KIF17: variants seen among roughly 807,000 people sequenced by gnomAD.
KIF17 encodes the protein kinesin family member 17.
Under a neutral mutation model 96.8 loss-of-function variants are expected in KIF17, and 80 were observed. That is an observed-to-expected ratio of 0.83 (90% CI 0.69 to 1.00). The LOEUF is 1.00. KIF17 is among the 50% of genes least tolerant of loss of function. KIF17 has a pLI of 0.00. For missense variants in KIF17, 1,280 were observed against 1,372.9 expected, an observed-to-expected ratio of 0.93 and a Z score of 1.07; for synonymous variants, 567 against 587.5, an observed-to-expected ratio of 0.97 and a Z score of 0.51.
At chr1:20,710,971 T>A (rs2054425117) in intron 3 of KIF17, among the ~76,000 whole-genome samples, 1 of 151,882 alleles carries the variant, frequency 6.6e-6, no homozygotes, top group Non-Finnish European at 1.5e-5. Context: ...AAGCTTGAGA[T>A]GACAGAGGGC....
intron 5 of KIF17, among the ~76,000 whole-genome samples, chr1:20,703,525 T>C (rs1392911816): frequency 6.7e-6 from 1 of 149,574 alleles, no homozygotes; most frequent in African/African-American, 2.5e-5. Flanking sequence ...GATGGATGGA[T>C]GGATAGATGT....
In KIF17 at chr1:20,700,560, G is replaced by A. The variant is rs921778631; in HGVS notation, c.1124-2072C>T. Among the ~76,000 whole-genome samples the A allele has an allele frequency of 6.6e-6, 1 of 152,214 alleles. No homozygotes were observed. Among genetic ancestry groups the A allele is most frequent in the African/African-American group, 2.4e-5 (1 of 41,448 alleles). On this transcript the variant is annotated intron_variant, in intron 5 of 14. Coordinates refer to ENST00000400463, the MANE Select transcript of KIF17 (RefSeq NM_001122819.3). The surrounding 1 kb of genome is among the most constrained non-coding windows in gnomAD (Gnocchi z 4.6). ...GCCCATCGAGTTGACAGTGGGATAT[G>A]TTGGGTTTGAAATGCTTATTACACA...
rs150479537 is a variant in KIF17 at position 20,664,739 on chromosome 1, G to A, written c.2932C>T (p.Leu978Phe). 6.2e-7 allele frequency: 1 copy of A among 1,612,180 alleles called. No individual in the cohort carries two copies. Among genetic ancestry groups the A allele is most frequent in the African/African-American group, 1.3e-5 (1 of 74,986 alleles). ...SLTHHNSPPG[L>F]SCPLSNNSAI... ...GAGTTGTTGCTGAGTGGGCAGCTGAGGCCTGGTGGCGAGTTGTGATGTGCT... is the reference window on the plus strand; with the variant it reads ...GAGTTGTTGCTGAGTGGGCAGCTGAAGCCTGGTGGCGAGTTGTGATGTGCT... Residue 978 changes from leucine (L) to phenylalanine (F), a missense_variant, in exon 15 of 15, where the codon CTC (leucine) becomes TTC (phenylalanine). Coordinates refer to ENST00000400463, the MANE Select transcript of KIF17 (RefSeq NM_001122819.3).
In KIF17 at chr1:20,690,498, T is replaced by C. The variant is rs533665534; in HGVS notation, c.1234-163A>G. ...TGATAATTACTTGCCGGTGAAGACCTTTCCAAACTGTTCTCAATGCTTTTT... is the reference window on the plus strand; with the variant it reads ...TGATAATTACTTGCCGGTGAAGACCCTTCCAAACTGTTCTCAATGCTTTTT... On this transcript the variant is annotated intron_variant, in intron 6 of 14. Coordinates refer to ENST00000400463, the MANE Select transcript of KIF17 (RefSeq NM_001122819.3). 1.1e-3 allele frequency among the ~76,000 whole-genome samples: 175 copies of C among 152,234 alleles called. 1 individual carries two copies. The highest frequency in any genetic ancestry group is 4.0e-3 in the African/African-American group (167 of 41,508).
At chr1:20,710,935 G>A (rs928959413) in intron 3 of KIF17, among the ~76,000 whole-genome samples, 1 of 152,194 alleles carries the variant, frequency 6.6e-6, no homozygotes, top group Non-Finnish European at 1.5e-5. Context: ...GGCACAGAGA[G>A]AGGCCAGAGC....
downstream of KIF17, among the ~76,000 whole-genome samples, chr1:20,663,540 A>G (rs1426020220): frequency 6.6e-6 from 1 of 152,222 alleles, no homozygotes; most frequent in Non-Finnish European, 1.5e-5. Context: ...GCTCAGAGTG[A>G]AATGAGGTTC....
Position 20,664,108 on chromosome 1 carries a change from G to C in KIF17, c.*476C>G, listed in dbSNP as rs535032914. ...GGTGGGCAGTGCAGGAAGACCTGCT[G>C]TGGGACCCCTGTGCCACCCCATGGG... On this transcript the variant is annotated 3_prime_UTR_variant, in exon 15 of 15. Transcript: ENST00000400463. The C allele has an allele frequency of 4.6e-4, 108 of 235,610 alleles. No homozygotes were observed. The highest frequency in any genetic ancestry group is 8.5e-4 in the Non-Finnish European group (100 of 117,412). 14.6% of individuals were successfully genotyped at this position (235,610 alleles called of 1,614,324 possible). A position where few individuals can be genotyped will look rare whatever the true frequency, so the allele number is the denominator to read the frequency against.
chr1:20,690,843 C>T (rs112571146), intron 6 of KIF17, among the ~76,000 whole-genome samples: 25,579 of 151,736 alleles, frequency 0.17, 2,634 homozygotes, highest in East Asian at 0.29. Flanking sequence ...TCCGCCACCA[C>T]GCTCAGCTAA....
chr1:20,709,296 G>A lies in KIF17; in HGVS notation c.670+343C>T, dbSNP rs925347670. Reference sequence around the variant, plus strand: ...CTCAGGAGGCTGAGGTGGGAGGCTCGCCCGAGCCTGGGAGGCAGAGGTTGC... The same window carrying A: ...CTCAGGAGGCTGAGGTGGGAGGCTCACCCGAGCCTGGGAGGCAGAGGTTGC... On this transcript the variant is annotated intron_variant, in intron 4 of 14. Coordinates refer to ENST00000400463, the MANE Select transcript of KIF17 (RefSeq NM_001122819.3). The surrounding 1 kb of genome is among the most constrained non-coding windows in gnomAD (Gnocchi z 4.7). Among the ~76,000 whole-genome samples the A allele has an allele frequency of 7.2e-5, 11 of 152,092 alleles. No homozygotes were observed. Among genetic ancestry groups the A allele is most frequent in the African/African-American group, 1.9e-4 (8 of 41,390 alleles).
chr1:20,670,392 C>T, intron 13 of KIF17, 29 bp downstream of exon 13: 1 of 1,608,516 alleles, frequency 6.2e-7, no homozygotes, highest in South Asian at 1.1e-5. Flanking sequence ...CAGCCCCCGA[C>T]ACCCCACTCC....
In KIF17 at chr1:20,700,390, A is replaced by G. The variant is rs2054212716; in HGVS notation, c.1124-1902T>C. The stretch of plus-strand genomic sequence containing the variant: ...CCGGCCAGGCTGTAGCCAGTTTTGA[A>G]GGTGGAGATGGCAGGATCTGCTGAC... On this transcript the variant is annotated intron_variant, in intron 5 of 14. Coordinates refer to ENST00000400463, the MANE Select transcript of KIF17 (RefSeq NM_001122819.3). This position sits in a 1 kb window ranked among gnomAD's most constrained non-coding sequence, Gnocchi z 4.6. Among the ~76,000 whole-genome samples the G allele has an allele frequency of 6.6e-6, 1 of 152,110 alleles. No homozygotes were observed. The highest frequency in any genetic ancestry group is 1.5e-5 in the Non-Finnish European group (1 of 68,030).
rs1192116333 is a variant in KIF17, at chr1:20,715,486, C to G, written c.378+7G>C. Reference sequence around the variant, plus strand: ...GGCCCTGCCCCTTCCCTCTGCGAGGCCCGTACCTGGACGCTCTCGAACACG... The same window carrying G: ...GGCCCTGCCCCTTCCCTCTGCGAGGGCCGTACCTGGACGCTCTCGAACACG... On this transcript the variant is annotated splice_region_variant and intron_variant, in intron 2 of 14. Coordinates refer to ENST00000400463, the MANE Select transcript of KIF17 (RefSeq NM_001122819.3). The G allele has an allele frequency of 1.2e-6, 2 of 1,611,662 alleles. No homozygotes were observed. The highest frequency in any genetic ancestry group is 1.3e-5 in the African/African-American group (1 of 74,916).
chr1:20,701,739 G>A (rs75773068), intron 5 of KIF17, among the ~76,000 whole-genome samples: 5,646 of 152,166 alleles, frequency 0.037, 332 homozygotes, highest in African/African-American at 0.13. Context: ...GTGCTGAGAC[G>A]GCAAGGTGAG....
intron 6 of KIF17, among the ~76,000 whole-genome samples, 184 bp from the exon 7 acceptor site, chr1:20,690,519 T>G: frequency 6.6e-6 from 1 of 151,986 alleles, no homozygotes; most frequent in Non-Finnish European, 1.5e-5. Context: ...TTCTCAATGC[T>G]TTTTTGTTTT....
At chr1:20,669,996 A>G (rs1322919233) in intron 13 of KIF17, among the ~76,000 whole-genome samples, 2 of 148,166 alleles carry the variant, frequency 1.3e-5, no homozygotes, top group East Asian at 1.9e-4. Context: ...AGAAAAAGAA[A>G]AAAAAAAAAA....
rs1446711761 is a variant in KIF17, at chr1:20,699,421, C to T, written c.1124-933G>A. On this transcript the variant is annotated intron_variant, in intron 5 of 14. Transcript: ENST00000400463. The surrounding 1 kb of genome is among the most constrained non-coding windows in gnomAD (Gnocchi z 4.3). ...TCTACCAAAAAAATACAAAAATTAG[C>T]TAGGCATGGTGGCGGGAGCCTGTAA... 1.3e-5 allele frequency among the ~76,000 whole-genome samples: 2 copies of T among 152,104 alleles called. No homozygotes were observed. Among genetic ancestry groups the T allele is most frequent in the Non-Finnish European group, 2.9e-5 (2 of 68,034 alleles).
At position 20,704,617 on chromosome 1, in the gene KIF17, T is replaced by C. The variant is rs1381513869; in HGVS notation, c.953A>G (p.Asn318Ser). The C allele has an allele frequency of 1.2e-6, 2 of 1,614,098 alleles. No individual in the cohort carries two copies. The highest frequency in any genetic ancestry group is 2.2e-5 in the South Asian group (2 of 91,076). The change falls in exon 5 of 15, where the codon AAC becomes AGC. Residue 318 changes from asparagine to serine, a missense_variant. Asn to Ser is a conservative substitution (Grantham distance 46, BLOSUM62 1). Coordinates refer to ENST00000400463, the MANE Select transcript of KIF17 (RefSeq NM_001122819.3). The surrounding 1 kb of genome is among the most constrained non-coding windows in gnomAD (Gnocchi z 6.8). ...MVACLSPADN[N>S]YDETLSTLRY... ...CAGCGTGCTGAGTGTCTCATCGTAG[T>C]TGTTGTCCGCAGGCGACAGGCAGGC... is the stretch of plus-strand genomic sequence containing the variant.
At chr1:20,705,286 G>A (rs2054321692) in intron 4 of KIF17, among the ~76,000 whole-genome samples, 2 of 152,158 alleles carry the variant, frequency 1.3e-5, no homozygotes, top group Non-Finnish European at 2.9e-5. Flanking sequence ...GGATCACCAG[G>A]GAGTGATGTC....
chr1:20,669,389 T>C (rs1480958666), intron 13 of KIF17, among the ~76,000 whole-genome samples: 1 of 150,278 alleles, frequency 6.7e-6, no homozygotes, highest in African/African-American at 2.5e-5. Context: ...TACAAAAAAT[T>C]AGCCGGGCTT....
Sources: allele counts gnomAD v4.1 joint callset (sites outside exome capture counted in the v4.1 genomes callset), GRCh38; gene constraint gnomAD v4.1.1; non-coding constraint Gnocchi (gnomAD v3.1); transcripts MANE v1.5; gene names NCBI Gene and HGNC (gene_info 2026-07-23, HGNC 2026-07-21).